Variants in PTK2B observed in about 807,000 individuals in gnomAD.
The protein encoded by PTK2B is protein tyrosine kinase 2 beta.
A neutral mutation model predicts 142.9 loss-of-function variants in PTK2B; 71 were observed. That is an observed-to-expected ratio of 0.50 (90% CI 0.41 to 0.61). The LOEUF is 0.61. Among genes scored for constraint, PTK2B ranks in the 20% least tolerant of loss-of-function variants. PTK2B has a pLI of 0.00. For missense variants in PTK2B, 1,105 were observed against 1,320.4 expected, an observed-to-expected ratio of 0.84 and a Z score of 2.53; for synonymous variants, 519 against 503.4, an observed-to-expected ratio of 1.03 and a Z score of -0.42.
chr8:27,312,316 T>C (rs1802994977), exon 2 of PTK2B: 1 of 152,212 alleles, frequency 6.6e-6, no homozygotes, highest in Admixed American at 6.5e-5. Flanking sequence ...TGTTTCTGCA[T>C]TGAATAGCCC....
At chr8:27,371,292 G>A (rs547749339) in intron 1 of PTK2B, among the ~76,000 whole-genome samples, 181 of 152,264 alleles carry the variant, frequency 1.2e-3, no homozygotes, top group African/African-American at 4.1e-3. Flanking sequence ...GCTACACAGA[G>A]GGCATTCTTG....
chr8:27,353,858 C>G (rs1283139445), intron 1 of PTK2B, among the ~76,000 whole-genome samples: 2 of 152,160 alleles, frequency 1.3e-5, no homozygotes, highest in Non-Finnish European at 2.9e-5. Flanking sequence ...GAAGATGAAG[C>G]AGGGAAAGGC....
chr8:27,322,494 T>C (rs1174912219), upstream of PTK2B: 3 of 152,202 alleles, frequency 2.0e-5, no homozygotes, highest in Non-Finnish European at 4.4e-5. Flanking sequence ...ATAAACTATA[T>C]GGCAGGTATG....
intron 2 of PTK2B, 82 bp downstream of exon 2, chr8:27,397,870 C>CGCA: frequency 1.9e-6 from 1 of 529,880 alleles, no homozygotes; most frequent in East Asian, 4.1e-5. Flanking sequence ...CCTGCAGCCT[C>CGCA]GCAGCTCTCC....
At chr8:27,379,600 A>G (rs941869838) in intron 1 of PTK2B, among the ~76,000 whole-genome samples, 13 of 152,194 alleles carry the variant, frequency 8.5e-5, no homozygotes, top group Non-Finnish European at 1.5e-4. Context: ...GCACATTTCC[A>G]TAGATAATTT....
At chr8:27,390,510 A>G (rs138389085) in intron 1 of PTK2B, among the ~76,000 whole-genome samples, 4 of 152,190 alleles carry the variant, frequency 2.6e-5, no homozygotes, top group East Asian at 1.9e-4. Flanking sequence ...GCATGGTGGC[A>G]TGTACCTGTA....
At chr8:27,402,924 A>G (rs904404151) in intron 2 of PTK2B, among the ~76,000 whole-genome samples, 1 of 152,148 alleles carries the variant, frequency 6.6e-6, no homozygotes, top group African/African-American at 2.4e-5. Context: ...AAAAAGCACA[A>G]CCTTATGTCA....
At chr8:27,414,401 C>T (rs1195402169) in intron 2 of PTK2B, among the ~76,000 whole-genome samples, 3 of 152,152 alleles carry the variant, frequency 2.0e-5, no homozygotes, top group African/African-American at 7.2e-5. Context: ...TCCACCACCA[C>T]ACCCGGCTAA....
rs571968938 is a variant in PTK2B at position 27,346,602 on chromosome 8, GT to G, written c.-38+20922del. ...CATGCTGCTGTGAGTGATGGAGGAA[GT>G]GACGAGCAGTCTCCTTTCATCACAG... On this transcript the variant is annotated intron_variant, in intron 1 of 30. Transcript: ENST00000346049. 8.5e-5 allele frequency among the ~76,000 whole-genome samples: 13 copies of G among 152,354 alleles called. No homozygotes were observed. The East Asian group carries it at 1.9e-3, about 23-fold the overall frequency.
intron 11 of PTK2B, 61 bp from the exon 12 acceptor site, chr8:27,434,031 AG>A (rs1810611756): frequency 6.4e-7 from 1 of 1,558,850 alleles, no homozygotes; most frequent in Non-Finnish European, 8.8e-7. Context: ...TGAGGAGGTC[AG>A]TCACCCATCC....
At chr8:27,344,293 C>G (rs1804586924) in intron 1 of PTK2B, among the ~76,000 whole-genome samples, 5 of 152,178 alleles carry the variant, frequency 3.3e-5, no homozygotes, top group African/African-American at 1.2e-4. Flanking sequence ...GGTTTGCACA[C>G]AATTATTCAC....
chr8:27,344,040 T>G (rs1053053991), intron 1 of PTK2B, among the ~76,000 whole-genome samples: 5 of 151,938 alleles, frequency 3.3e-5, no homozygotes, highest in South Asian at 2.1e-4. Context: ...AAATAAAAAT[T>G]TTTTCATCAG....
chr8:27,361,650 C>T (rs954022941), intron 1 of PTK2B, among the ~76,000 whole-genome samples: 3 of 152,088 alleles, frequency 2.0e-5, no homozygotes, highest in African/African-American at 7.2e-5. Flanking sequence ...GGCACCTTCT[C>T]TGTAAAATTA....
At chr8:27,385,283 AG>A (rs1389343248) in intron 1 of PTK2B, among the ~76,000 whole-genome samples, 1 of 152,204 alleles carries the variant, frequency 6.6e-6, no homozygotes, top group East Asian at 1.9e-4. Flanking sequence ...AGCTGGAGGA[AG>A]AGGACGAATG....
At chr8:27,350,849 G>A (rs2130476610) in intron 1 of PTK2B, among the ~76,000 whole-genome samples, 1 of 149,906 alleles carries the variant, frequency 6.7e-6, no homozygotes, top group Non-Finnish European at 1.5e-5. Context: ...GGTGGCACAT[G>A]CCTGTAATCC....
chr8:27,397,400 C>A lies in PTK2B; in HGVS notation c.-37-148C>A, dbSNP rs1037049118. On this transcript the variant is annotated intron_variant, in intron 1 of 30. Coordinates refer to ENST00000346049, the MANE Select transcript of PTK2B (RefSeq NM_173176.3). The stretch of plus-strand genomic sequence containing the variant: ...CTGCATCTTTCCCAGTCAAGAGAGC[C>A]AGGTGCCTTGCAGGGGAGCTTTTGG... 11 of 634,894 alleles carry A rather than the reference C, an allele frequency of 1.7e-5. No homozygotes were observed. In the African/African-American group the frequency reaches 2.0e-4, roughly 12 times the overall value. The allele number at this position is 634,894 out of a possible 1,614,324, so 39.3% of individuals were successfully genotyped here. A position where few individuals can be genotyped will look rare whatever the true frequency, so the allele number is the denominator to read the frequency against.
chr8:27,435,520 C>T (rs1052902103), intron 13 of PTK2B, among the ~76,000 whole-genome samples: 2 of 152,226 alleles, frequency 1.3e-5, no homozygotes, highest in Admixed American at 6.5e-5. Flanking sequence ...ACCAACTTGC[C>T]CTAAATAATG....
Position 27,436,349 on chromosome 8 carries a change from G to A in PTK2B, c.1341+1G>A. ...CTATGAAGGTGTCTACACAAATCAC[G>A]TGAGTTCTAGGATCTTCCCTTACAC... On this transcript the variant is annotated splice_donor_variant, in intron 15 of 30. Transcript: ENST00000346049. LOFTEE classifies it high-confidence loss of function. 5 of 1,606,004 alleles carry A rather than the reference G, an allele frequency of 3.1e-6. No homozygotes were observed. The highest frequency in any genetic ancestry group is 4.3e-6 in the Non-Finnish European group (5 of 1,172,600).
chr8:27,331,677 G>T (rs1355699674), intron 1 of PTK2B, among the ~76,000 whole-genome samples: 4 of 128,774 alleles, frequency 3.1e-5, no homozygotes, highest in Non-Finnish European at 7.0e-5. Context: ...AGTAGAAACG[G>T]GGTTTCACCA....
Sources: allele counts gnomAD v4.1 joint callset (sites outside exome capture counted in the v4.1 genomes callset), GRCh38; gene constraint gnomAD v4.1.1; transcripts MANE v1.5; gene names NCBI Gene and HGNC (gene_info 2026-07-23, HGNC 2026-07-21).